ENTREP2: variants seen among roughly 807,000 people sequenced by gnomAD.
The protein encoded by ENTREP2 is protein ENTREP2.
the ENTREP2 span, chr15:29,268,810 C>A: frequency 3.7e-6 from 6 of 1,610,546 alleles, no homozygotes; most frequent in Non-Finnish European, 4.2e-6. Context: ...TGGAGCTGGG[C>A]CACTAGGCTG....
chr15:29,123,710 TCA>T, the ENTREP2 span: 1 of 1,490,992 alleles, frequency 6.7e-7, no homozygotes, highest in Admixed American at 2.3e-5. Flanking sequence ...AGAAGTTAAC[TCA>T]AAAGCAAAGA....
the ENTREP2 span, among the ~76,000 whole-genome samples, chr15:29,217,687 T>C: frequency 1.2e-4 from 18 of 152,308 alleles, no homozygotes; most frequent in Non-Finnish European, 1.9e-4. Context: ...TTTCCTTGCA[T>C]TGGGCTTTGC....
the ENTREP2 span, among the ~76,000 whole-genome samples, chr15:29,167,298 T>C: frequency 2.0e-5 from 3 of 151,610 alleles, no homozygotes; most frequent in African/African-American, 7.3e-5. Context: ...GCAAATACAA[T>C]AAAAACAAAG....
the ENTREP2 span, among the ~76,000 whole-genome samples, chr15:29,530,093 G>A: frequency 2.6e-5 from 4 of 152,090 alleles, no homozygotes; most frequent in Non-Finnish European, 4.4e-5. Context: ...GGTCTTTCCC[G>A]CTCACATCTC....
the ENTREP2 span, among the ~76,000 whole-genome samples, chr15:29,638,705 C>T: frequency 6.6e-6 from 1 of 152,198 alleles, no homozygotes; most frequent in Non-Finnish European, 1.5e-5. Context: ...AGCAAGACCC[C>T]ATCTCTACAA....
the ENTREP2 span, among the ~76,000 whole-genome samples, chr15:29,146,217 G>A: frequency 6.6e-6 from 1 of 152,200 alleles, no homozygotes; most frequent in Non-Finnish European, 1.5e-5. Flanking sequence ...CTATTGTTAA[G>A]ATGACAATAT....
chr15:29,244,641 G>A, the ENTREP2 span, among the ~76,000 whole-genome samples: 5 of 152,200 alleles, frequency 3.3e-5, no homozygotes, highest in African/African-American at 1.2e-4. Context: ...TTGGGCCTCC[G>A]TGAAGACAAA....
the ENTREP2 span, among the ~76,000 whole-genome samples, chr15:29,476,339 T>C: frequency 3.3e-5 from 5 of 152,344 alleles, no homozygotes; most frequent in East Asian, 9.6e-4. Context: ...AAAACGTCTA[T>C]GTGTAGTTCT....
chr15:29,293,621 G>A, the ENTREP2 span, among the ~76,000 whole-genome samples: 1 of 152,198 alleles, frequency 6.6e-6, no homozygotes, highest in African/African-American at 2.4e-5. Flanking sequence ...GGGGATGCAA[G>A]CAGGCCCAGA....
At chr15:29,400,320 A>G in the ENTREP2 span, among the ~76,000 whole-genome samples, 3 of 152,214 alleles carry the variant, frequency 2.0e-5, no homozygotes, top group Admixed American at 1.3e-4. Flanking sequence ...AAAAGGCAGA[A>G]TATCTTAGAA....
the ENTREP2 span, among the ~76,000 whole-genome samples, chr15:29,528,011 G>A: frequency 6.6e-6 from 1 of 152,076 alleles, no homozygotes; most frequent in East Asian, 1.9e-4. Flanking sequence ...CAGACACCGT[G>A]CATTCATCCA....
the ENTREP2 span, among the ~76,000 whole-genome samples, chr15:29,567,158 AAAACC>A: frequency 6.6e-6 from 1 of 152,170 alleles, no homozygotes; most frequent in Non-Finnish European, 1.5e-5. Flanking sequence ...CCGGCACAGG[AAAACC>A]ACCTGCAGGG....
the ENTREP2 span, among the ~76,000 whole-genome samples, chr15:29,532,982 T>C: frequency 6.6e-6 from 1 of 152,212 alleles, no homozygotes; most frequent in African/African-American, 2.4e-5. Context: ...AGACCCTCCA[T>C]GTGCTGGAGC....
At chr15:29,287,382 G>GCA in the ENTREP2 span, among the ~76,000 whole-genome samples, 1 of 87,786 alleles carries the variant, frequency 1.1e-5, no homozygotes, top group Non-Finnish European at 2.2e-5. Flanking sequence ...GGCAAGACCA[G>GCA]CAAAAAAAAA....
At chr15:29,353,533 T>C in the ENTREP2 span, among the ~76,000 whole-genome samples, 3 of 152,206 alleles carry the variant, frequency 2.0e-5, no homozygotes, top group Non-Finnish European at 2.9e-5. Context: ...GAAGTACACA[T>C]GTATGCAGCA....
the ENTREP2 span, among the ~76,000 whole-genome samples, chr15:29,658,063 T>C: frequency 6.6e-6 from 1 of 152,200 alleles, no homozygotes; most frequent in African/African-American, 2.4e-5. Context: ...GCTGATGATA[T>C]GGTTTGGCTG....
At chr15:29,612,682 G>A in the ENTREP2 span, 213 of 153,542 alleles carry the variant, frequency 1.4e-3, no homozygotes, top group African/African-American at 4.9e-3. Context: ...CCTGCCCAGG[G>A]ACCACGATCT....
chr15:29,428,001 A>C, the ENTREP2 span, among the ~76,000 whole-genome samples: 1 of 152,146 alleles, frequency 6.6e-6, no homozygotes, highest in Non-Finnish European at 1.5e-5. Context: ...ATATAAACAA[A>C]ACACCATCCT....
the ENTREP2 span, among the ~76,000 whole-genome samples, chr15:29,355,094 C>T: frequency 6.6e-6 from 1 of 152,142 alleles, no homozygotes; most frequent in African/African-American, 2.4e-5. Flanking sequence ...AAGGCCACCC[C>T]TGTCTCAGGG....
Sources: gnomAD v4.1 joint callset for allele counts (sites outside exome capture counted in the v4.1 genomes callset) on GRCh38, gnomAD v4.1.1 for gene constraint, MANE v1.5 for transcripts, NCBI Gene and HGNC (gene_info 2026-07-23, HGNC 2026-07-21) for gene names.